Variants in SIPA1L2 observed in about 807,000 individuals in gnomAD.
SIPA1L2 encodes the protein signal induced proliferation associated 1 like 2.
Under a neutral mutation model 163.9 loss-of-function variants are expected in SIPA1L2, and 56 were observed. The observed-to-expected ratio is 0.34, with a 90% CI of 0.28 to 0.43. SIPA1L2 has a LOEUF of 0.43. Ranked by LOEUF, SIPA1L2 falls within the 20% of genes least tolerant of loss-of-function variation. The pLI, the probability that SIPA1L2 is intolerant of heterozygous loss-of-function variation, is 1.00. For synonymous variants in SIPA1L2, 877 were observed against 865.7 expected (o/e 1.01, Z -0.23); for missense variants, 1,974 against 2,193.5 (o/e 0.90, Z 2.00).
At chr1:232,449,334 T>C (rs4233062) in intron 10 of SIPA1L2, among the ~76,000 whole-genome samples, 44,126 of 151,272 alleles carry the variant, frequency 0.29, 7,113 homozygotes, top group East Asian at 0.51. Context: ...CTGGCTAACA[T>C]GGTGAAACCC....
intron 2 of SIPA1L2, among the ~76,000 whole-genome samples, chr1:232,540,508 ATTCACAGTC>A (rs1657589316): frequency 6.6e-6 from 1 of 152,154 alleles, no homozygotes; most frequent in Non-Finnish European, 1.5e-5. Context: ...GAGGGAAGGA[ATTCACAGTC>A]TTCACAGTCA....
At chr1:232,563,633 A>G (rs1377550670) in intron 2 of SIPA1L2, among the ~76,000 whole-genome samples, 2 of 152,196 alleles carry the variant, frequency 1.3e-5, no homozygotes, top group Non-Finnish European at 2.9e-5. Context: ...AGGAAAATAC[A>G]GATGTTGGAA....
chr1:232,458,107 T>C (rs1238000611), intron 10 of SIPA1L2, among the ~76,000 whole-genome samples: 1 of 152,132 alleles, frequency 6.6e-6, no homozygotes, highest in South Asian at 2.1e-4. Flanking sequence ...ACTAGGCAAA[T>C]AGCTAATTCT....
intron 10 of SIPA1L2, among the ~76,000 whole-genome samples, chr1:232,457,595 T>C (rs901841489): frequency 2.6e-5 from 4 of 152,214 alleles, no homozygotes; most frequent in African/African-American, 7.2e-5. Context: ...GCAAGTCAAA[T>C]GTATAGCTTT....
intron 10 of SIPA1L2, among the ~76,000 whole-genome samples, chr1:232,460,257 C>T (rs551015675): frequency 8.5e-4 from 130 of 152,238 alleles, no homozygotes; most frequent in African/African-American, 2.9e-3. Flanking sequence ...TTTCTAACCC[C>T]GTTCTTATCC....
intron 7 of SIPA1L2, among the ~76,000 whole-genome samples, chr1:232,474,063 C>T (rs768675609): frequency 6.6e-6 from 1 of 152,092 alleles, no homozygotes; most frequent in Non-Finnish European, 1.5e-5. Flanking sequence ...AAATTCTATA[C>T]AATCAGAGTC....
At chr1:232,438,500 G>C (rs1662695557) in intron 15 of SIPA1L2, among the ~76,000 whole-genome samples, 1 of 152,190 alleles carries the variant, frequency 6.6e-6, no homozygotes, top group Non-Finnish European at 1.5e-5. Flanking sequence ...TGTCAAACAG[G>C]AGTTTAAAAC....
chr1:232,605,315 C>A (rs1661843841), intron 1 of SIPA1L2, among the ~76,000 whole-genome samples: 1 of 152,172 alleles, frequency 6.6e-6, no homozygotes, highest in Non-Finnish European at 1.5e-5. Flanking sequence ...CTGTGCCCAG[C>A]CACCCAAGGT....
intron 19 of SIPA1L2, among the ~76,000 whole-genome samples, chr1:232,412,836 A>G (rs889311208): frequency 2.6e-5 from 4 of 152,210 alleles, no homozygotes; most frequent in Non-Finnish European, 5.9e-5. Context: ...TTAGAGGTCA[A>G]TGCTAACTCC....
At chr1:232,523,666 T>TA (rs902218483) in intron 2 of SIPA1L2, among the ~76,000 whole-genome samples, 2 of 152,050 alleles carry the variant, frequency 1.3e-5, no homozygotes, top group Admixed American at 6.5e-5. Flanking sequence ...GCTGGAGCTT[T>TA]AAAAAAAATA....
intron 7 of SIPA1L2, among the ~76,000 whole-genome samples, chr1:232,474,336 G>A (rs180942386): frequency 2.6e-5 from 4 of 152,286 alleles, no homozygotes; most frequent in Admixed American, 2.0e-4. Context: ...GATTCCAGCT[G>A]TGAAACAGGA....
intron 21 of SIPA1L2, 56 bp downstream of exon 21, chr1:232,403,392 C>G: frequency 2.5e-6 from 4 of 1,585,024 alleles, no homozygotes; most frequent in Non-Finnish European, 3.4e-6. Flanking sequence ...TTAGCCGAAT[C>G]TTGGCTAATC....
chr1:232,602,177 A>C (rs1442551961), intron 1 of SIPA1L2, among the ~76,000 whole-genome samples: 2 of 152,110 alleles, frequency 1.3e-5, no homozygotes, highest in Non-Finnish European at 2.9e-5. Flanking sequence ...ACAGGCAGAG[A>C]AGCAGCAAAG....
At chr1:232,615,286 T>C (rs1662444736) in intron 1 of SIPA1L2, among the ~76,000 whole-genome samples, 1 of 152,170 alleles carries the variant, frequency 6.6e-6, no homozygotes, top group African/African-American at 2.4e-5. Flanking sequence ...GCCACTAAAA[T>C]CGATCAGAAT....
At chr1:232,512,745 C>G (rs11583179) in intron 3 of SIPA1L2, among the ~76,000 whole-genome samples, 4,441 of 152,146 alleles carry the variant, frequency 0.029, 212 homozygotes, top group African/African-American at 0.1. Flanking sequence ...CACCATAGCA[C>G]AAGTATAACT....
rs143986958 is a variant in SIPA1L2, at chr1:232,415,579, G to A, written c.4677C>T (p.Cys1559=). The A allele has an allele frequency of 6.7e-4, 1,075 of 1,613,916 alleles. 6 individuals carry two copies. The African/African-American group carries it at 0.013, about 19-fold the overall frequency. The change falls in exon 19 of 23, where the codon TGC becomes TGT. Residue 1559 remains cysteine, a synonymous_variant. Transcript: ENST00000674635. Reference sequence around the variant, plus strand: ...GGAGGGGCATCAGGCCAGGATCTGCGCACTTGGACTTATCTGATAAGGACC... The same window carrying A: ...GGAGGGGCATCAGGCCAGGATCTGCACACTTGGACTTATCTGATAAGGACC... ...SDGSLSDKSK[C]ADPGLMPLPD...
intron 2 of SIPA1L2, among the ~76,000 whole-genome samples, chr1:232,573,657 C>T (rs1406102697): frequency 6.6e-6 from 1 of 152,048 alleles, no homozygotes; most frequent in African/African-American, 2.4e-5. Flanking sequence ...ATTCTGCAGC[C>T]AAGGAAGGGG....
intron 6 of SIPA1L2, among the ~76,000 whole-genome samples, chr1:232,482,351 C>T (rs1312066409): frequency 6.6e-6 from 1 of 151,788 alleles, no homozygotes; most frequent in East Asian, 1.9e-4. Flanking sequence ...TAAGAGTTCA[C>T]ATCAGCAGTG....
chr1:232,591,383 A>G (rs1007367419), intron 1 of SIPA1L2, among the ~76,000 whole-genome samples: 1 of 152,164 alleles, frequency 6.6e-6, no homozygotes, highest in Non-Finnish European at 1.5e-5. Flanking sequence ...TTTGCTACTC[A>G]TGAGTACTGT....
Sources: allele counts gnomAD v4.1 joint callset (sites outside exome capture counted in the v4.1 genomes callset), GRCh38; gene constraint gnomAD v4.1.1; transcripts MANE v1.5; gene names NCBI Gene and HGNC (gene_info 2026-07-23, HGNC 2026-07-21).